The following NCAPD3 variants were observed in gnomAD, a reference collection of about 807,000 sequenced individuals.
The protein encoded by NCAPD3 is non-SMC condensin II complex subunit D3, also known as condensin-2 complex subunit D3.
Under a neutral mutation model 182.9 loss-of-function variants are expected in NCAPD3, and 105 were observed. The ratio of observed to expected loss-of-function variants is 0.57; its 90% CI spans 0.49 to 0.68. The LOEUF (loss-of-function observed/expected upper bound fraction) is 0.68. NCAPD3 is among the 30% of genes least tolerant of loss of function. The probability of loss-of-function intolerance (pLI) is 0.00; values close to 1 mark genes in which losing one functional copy is unlikely to be tolerated. For synonymous variants in NCAPD3, 815 were observed against 679.9 expected (o/e 1.20, Z -3.09); for missense variants, 1,944 against 1,837.0 (o/e 1.06, Z -1.07).
intron 27 of NCAPD3, among the ~76,000 whole-genome samples, chr11:134,163,109 T>C (rs1289675740): frequency 2.0e-5 from 3 of 152,076 alleles, no homozygotes; most frequent in Non-Finnish European, 2.9e-5. Context: ...ATGGGAAAGG[T>C]GGAAGGCACA....
At chr11:134,156,907 G>T in intron 32 of NCAPD3, 111 bp downstream of exon 32, 1 of 954,498 alleles carries the variant, frequency 1.0e-6, no homozygotes, top group South Asian at 1.6e-5. Context: ...TCATGGTTCT[G>T]ACCATCAGAA....
intron 27 of NCAPD3, among the ~76,000 whole-genome samples, chr11:134,164,040 A>G (rs1591824472): frequency 6.6e-6 from 1 of 152,306 alleles, no homozygotes; most frequent in Non-Finnish European, 1.5e-5. Flanking sequence ...GGTAAGAGAA[A>G]ACAGGCAGGA....
At chr11:134,199,933 G>A (rs1240037553) in intron 13 of NCAPD3, among the ~76,000 whole-genome samples, 2 of 152,116 alleles carry the variant, frequency 1.3e-5, no homozygotes, top group African/African-American at 4.8e-5. Flanking sequence ...ACACAAATAA[G>A]CTCATGAGCT....
At position 134,152,040 on chromosome 11, in the gene NCAPD3, G is replaced by A. The variant is rs1296559919; in HGVS notation, c.*904C>T. ...ATCATCACTTTGTACTTTTGCTTTT[G>A]TAATACTGGGATTAAAAAACAAACC... On this transcript the variant is annotated 3_prime_UTR_variant, in exon 35 of 35. Coordinates refer to ENST00000534548, the MANE Select transcript of NCAPD3 (RefSeq NM_015261.3). 2.0e-5 allele frequency: 3 copies of A among 152,220 alleles called. No individual in the cohort carries two copies. The highest frequency in any genetic ancestry group is 2.9e-5 in the Non-Finnish European group (2 of 68,044). The allele number at this position is 152,220 out of a possible 1,614,324, so 9.4% of individuals were successfully genotyped here. A position where few individuals can be genotyped will look rare whatever the true frequency, so the allele number is the denominator to read the frequency against.
rs777739444 is a variant in NCAPD3 at position 134,157,119 on chromosome 11, T to G, written c.4175-24A>C. On this transcript the variant is annotated intron_variant, in intron 31 of 34. Coordinates refer to ENST00000534548, the MANE Select transcript of NCAPD3 (RefSeq NM_015261.3). ...CACTAGAACAGAAAAGGTGCTGCTA[T>G]CCAGAAATACCCCCAAACAATAACG... The G allele has an allele frequency of 4.4e-6, 7 of 1,577,962 alleles. No individual in the cohort carries two copies. In the South Asian group the frequency reaches 7.9e-5, roughly 18 times the overall value.
intron 24 of NCAPD3, among the ~76,000 whole-genome samples, chr11:134,172,938 T>C (rs1272363634): frequency 3.6e-5 from 5 of 139,854 alleles, no homozygotes; most frequent in Admixed American, 2.3e-4. Flanking sequence ...GATTGCTCCA[T>C]TGCACTCCAG....
intron 27 of NCAPD3, among the ~76,000 whole-genome samples, chr11:134,165,303 C>T (rs550785836): frequency 2.0e-5 from 3 of 150,282 alleles, no homozygotes; most frequent in Non-Finnish European, 3.0e-5. Flanking sequence ...CTTAGGGAAG[C>T]TGCACACTCA....
intron 16 of NCAPD3, among the ~76,000 whole-genome samples, chr11:134,191,332 C>T (rs2135994610): frequency 6.6e-6 from 1 of 152,136 alleles, no homozygotes; most frequent in Admixed American, 6.5e-5. Flanking sequence ...AAATGTGCAG[C>T]ACGTGAGTTC....
chr11:134,203,532 TGA>T, intron 11 of NCAPD3, 120 bp downstream of exon 11: 1 of 1,311,594 alleles, frequency 7.6e-7, no homozygotes, highest in Non-Finnish European at 1.0e-6. Context: ...AAAATGGTTT[TGA>T]GAGTAAAAAT....
Position 134,176,481 on chromosome 11 carries a change from C to T in NCAPD3, c.3022-95G>A, listed in dbSNP as rs780474141. The T allele has an allele frequency of 1.9e-4, 188 of 998,820 alleles. 2 individuals carry two copies. Among genetic ancestry groups the T allele is most frequent in the Middle Eastern group, 1.6e-3 (7 of 4,312 alleles). 61.9% of individuals were successfully genotyped at this position (998,820 alleles called of 1,614,324 possible). On this transcript the variant is annotated intron_variant, in intron 23 of 34. Transcript: ENST00000534548. ...CCCCACCCACCACGCGGTCTGTCCC[C>T]GGCACACTGGCTGAGTGCACAGGCA...
intron 27 of NCAPD3, among the ~76,000 whole-genome samples, chr11:134,162,959 T>G (rs1053766304): frequency 1.3e-5 from 2 of 151,878 alleles, no homozygotes; most frequent in African/African-American, 4.8e-5. Context: ...TGAGGATGTG[T>G]GGAGAAGGGA....
intron 2 of NCAPD3, among the ~76,000 whole-genome samples, 165 bp from the exon 3 acceptor site, chr11:134,217,263 C>G (rs1276346779): frequency 1.3e-5 from 2 of 151,992 alleles, no homozygotes; most frequent in African/African-American, 4.8e-5. Context: ...AACAAAATAT[C>G]AAAATTAAAG....
intron 13 of NCAPD3, among the ~76,000 whole-genome samples, chr11:134,196,509 G>C (rs964267489): frequency 4.5e-4 from 68 of 152,010 alleles, no homozygotes; most frequent in African/African-American, 1.5e-3. Context: ...TGCCGGGTGT[G>C]GGGGCGGGTG....
At position 134,158,047 on chromosome 11, in the gene NCAPD3, A is replaced by G. The variant is rs767237741; in HGVS notation, c.4055T>C (p.Ile1352Thr). The G allele has an allele frequency of 9.3e-6, 15 of 1,614,074 alleles. No individual in the cohort carries two copies. The Admixed American group carries it at 1.3e-4, about 14-fold the overall frequency. ...TTTCTTGACAGAATTCAGGATTGCA[A>G]TGGTGCTCAGGGACATGGGCCTGTG... The part of the protein sequence containing the change: ...PKARPMSLST[I>T]AILNSVKKAV... Residue 1352 changes from isoleucine (I) to threonine (T), a missense_variant, in exon 31 of 35, where the codon ATT becomes ACT. Ile to Thr is a moderately conservative substitution (Grantham distance 89). Transcript: ENST00000534548.
chr11:134,196,657 A>AG (rs1247368748), intron 13 of NCAPD3, among the ~76,000 whole-genome samples: 72 of 151,454 alleles, frequency 4.8e-4, no homozygotes, highest in Non-Finnish European at 1.0e-4. Context: ...AAAAAAAAAA[A>AG]AAAAAGAAAA....
At chr11:134,154,086 C>T (rs1943346208) in intron 32 of NCAPD3, 2 of 152,540 alleles carry the variant, frequency 1.3e-5, no homozygotes, top group African/African-American at 4.8e-5. Context: ...CCTCAGGTTT[C>T]TTCATCTCTT....
chr11:134,182,183 T>A (rs1039373896), intron 19 of NCAPD3, among the ~76,000 whole-genome samples: 4 of 152,182 alleles, frequency 2.6e-5, no homozygotes, highest in African/African-American at 7.2e-5. Flanking sequence ...TCACAGAATC[T>A]GGGAAAGCTG....
At chr11:134,156,108 T>C (rs1261886546) in intron 32 of NCAPD3, among the ~76,000 whole-genome samples, 1 of 152,174 alleles carries the variant, frequency 6.6e-6, no homozygotes, top group Non-Finnish European at 1.5e-5. Context: ...CAGTCAGGAC[T>C]AGGAGACAGG....
At chr11:134,164,769 G>A (rs781602485) in intron 27 of NCAPD3, among the ~76,000 whole-genome samples, 3 of 150,588 alleles carry the variant, frequency 2.0e-5, no homozygotes, top group Admixed American at 6.6e-5. Flanking sequence ...CATGAGCTTG[G>A]GGGAGCTGCA....
Sources: allele counts gnomAD v4.1 joint callset (sites outside exome capture counted in the v4.1 genomes callset), GRCh38; gene constraint gnomAD v4.1.1; transcripts MANE v1.5; gene names NCBI Gene and HGNC (gene_info 2026-07-23, HGNC 2026-07-21).